ATP6V0D1: variants seen among roughly 807,000 people sequenced by gnomAD.
The protein encoded by ATP6V0D1 is ATPase H+ transporting V0 subunit d1, also known as V-type proton ATPase subunit d 1.
Under a neutral mutation model 39.0 loss-of-function variants are expected in ATP6V0D1, and 13 were observed. The observed-to-expected ratio is 0.33, with a 90% CI of 0.22 to 0.53. The LOEUF (loss-of-function observed/expected upper bound fraction) is 0.53, where lower values mean the gene tolerates loss of function less well. ATP6V0D1 is among the 20% of genes least tolerant of loss of function. The pLI, the probability that ATP6V0D1 is intolerant of heterozygous loss-of-function variation, is 0.94. For missense variants in ATP6V0D1, 272 were observed against 470.9 expected, an observed-to-expected ratio of 0.58 and a Z score of 3.91; for synonymous variants, 191 against 191.2, an observed-to-expected ratio of 1.00 and a Z score of 0.01.
Position 67,456,331 on chromosome 16 carries a change from TGA to T in ATP6V0D1, c.131-2618_131-2617del, listed in dbSNP as rs767594597. The stretch of plus-strand genomic sequence containing the variant: ...GAAACATGGTTTATTTGTACAAAAC[TGA>T]GAGATTGTTAATGCCCCTGATGTGG... On this transcript the variant is annotated intron_variant, in intron 1 of 7. Coordinates refer to ENST00000290949, the MANE Select transcript of ATP6V0D1 (RefSeq NM_004691.5). The surrounding 1 kb of genome is among the most constrained non-coding windows in gnomAD (Gnocchi z 4.1). 4 of 152,180 alleles carry T rather than the reference TGA, an allele frequency of 2.6e-5. No homozygotes were observed. Among genetic ancestry groups the T allele is most frequent in the Middle Eastern group, 3.2e-3 (1 of 316 alleles). 9.4% of individuals were successfully genotyped at this position (152,180 alleles called of 1,614,324 possible).
intron 1 of ATP6V0D1, among the ~76,000 whole-genome samples, chr16:67,475,509 T>C (rs1183725132): frequency 2.0e-5 from 3 of 152,222 alleles, no homozygotes; most frequent in African/African-American, 4.8e-5. Flanking sequence ...TCTAACTCTC[T>C]GGCTGAGAAG....
chr16:67,464,296 G>C (rs975911621), intron 1 of ATP6V0D1, among the ~76,000 whole-genome samples: 1 of 152,210 alleles, frequency 6.6e-6, no homozygotes, highest in Non-Finnish European at 1.5e-5. Flanking sequence ...GCATCCTTGA[G>C]TGAACAAATG....
intron 1 of ATP6V0D1, chr16:67,455,979 T>C (rs1049014536): frequency 6.6e-6 from 1 of 151,978 alleles, no homozygotes; most frequent in Admixed American, 6.6e-5. Context: ...TCCTTGAGCT[T>C]GGGCAAGTAT....
chr16:67,454,132 C>T (rs1243446046), intron 1 of ATP6V0D1, among the ~76,000 whole-genome samples: 5 of 152,186 alleles, frequency 3.3e-5, no homozygotes, highest in African/African-American at 1.2e-4. Flanking sequence ...CAAGCCAACA[C>T]ACCCCGAGGC....
chr16:67,480,778 C>A (rs113969730), intron 1 of ATP6V0D1, among the ~76,000 whole-genome samples, 179 bp downstream of exon 1: 37 of 152,320 alleles, frequency 2.4e-4, no homozygotes, highest in Admixed American at 3.9e-4. Flanking sequence ...TGAGTTTGGG[C>A]CCGCGCCGAG....
chr16:67,453,791 C>A lies in ATP6V0D1; in HGVS notation c.131-76G>T. 7.0e-7 allele frequency: 1 copy of A among 1,434,704 alleles called. No homozygotes were observed. Among genetic ancestry groups the A allele is most frequent in the Non-Finnish European group, 9.6e-7 (1 of 1,040,300 alleles). The allele number at this position is 1,434,704 out of a possible 1,614,324, so 88.9% of individuals were successfully genotyped here. ...GGGTCCCAAGTCCCCATCCCCACCC[C>A]AACTCAGCCCCAGCTCTCCCCTGCA... On this transcript the variant is annotated intron_variant, in intron 1 of 7. Transcript: ENST00000290949. The surrounding 1 kb of genome is among the most constrained non-coding windows in gnomAD (Gnocchi z 4.1).
At chr16:67,474,266 C>G (rs1020013172) in intron 1 of ATP6V0D1, among the ~76,000 whole-genome samples, 3 of 152,222 alleles carry the variant, frequency 2.0e-5, no homozygotes, top group African/African-American at 7.2e-5. Context: ...ACTTCACAAA[C>G]ATCTCAGAGA....
chr16:67,441,506 CT>C (rs2041051204), intron 4 of ATP6V0D1: 1 of 152,320 alleles, frequency 6.6e-6, no homozygotes, highest in Non-Finnish European at 1.5e-5. Context: ...ACCCCTCACC[CT>C]GTCTCAGGGC....
chr16:67,439,296 TCAGCCGTAGTCCCGCC>T lies in ATP6V0D1; in HGVS notation c.601_616del (p.Gly201MetfsTer94), dbSNP rs2041018414. The T allele has an allele frequency of 6.2e-7, 1 of 1,613,978 alleles. No individual in the cohort carries two copies. Among genetic ancestry groups the T allele is most frequent in the Admixed American group, 1.7e-5 (1 of 60,008 alleles). On this transcript the variant is annotated frameshift_variant, in exon 5 of 8. Transcript: ENST00000290949. LOFTEE classifies it high-confidence loss of function. ...CACCTCCAGGATGGGGCACATGGCA[TCAGCCGTAGTCCCGCC>T]CAGTAGGGTGCAGAACTTGTAGAAG... is the stretch of plus-strand genomic sequence containing the variant.
chr16:67,443,205 T>C (rs766821759), intron 3 of ATP6V0D1, 27 bp from the exon 4 acceptor site: 2 of 1,611,570 alleles, frequency 1.2e-6, no homozygotes, highest in Non-Finnish European at 1.7e-6. Context: ...GTTTGAGGGG[T>C]GGGCAGGTGG....
intron 1 of ATP6V0D1, among the ~76,000 whole-genome samples, chr16:67,477,168 T>C (rs1383582050): frequency 6.6e-6 from 1 of 151,006 alleles, no homozygotes; most frequent in Non-Finnish European, 1.5e-5. Context: ...GAGGAACAAG[T>C]TCAACTATAT....
chr16:67,454,552 GTTTTTT>G (rs2041217583), intron 1 of ATP6V0D1: 2 of 151,456 alleles, frequency 1.3e-5, no homozygotes, highest in Non-Finnish European at 2.9e-5. Context: ...TTTTGTTTTT[GTTTTTT>G]GTTTGTTTGT....
At position 67,447,629 on chromosome 16, in the gene ATP6V0D1, T is replaced by A. The variant is rs994463661; in HGVS notation, c.303-2923A>T. On this transcript the variant is annotated intron_variant, in intron 2 of 7. Coordinates refer to ENST00000290949, the MANE Select transcript of ATP6V0D1 (RefSeq NM_004691.5). The surrounding 1 kb of genome is among the most constrained non-coding windows in gnomAD (Gnocchi z 4.1). ...CCCTTGTGGGGTGGGGGTGGGGCCGTCTGTATTCCTCTGCCCAGAGGCCCT... is the reference window on the plus strand; with the variant it reads ...CCCTTGTGGGGTGGGGGTGGGGCCGACTGTATTCCTCTGCCCAGAGGCCCT... 6.6e-6 allele frequency among the ~76,000 whole-genome samples: 1 copy of A among 152,154 alleles called. No homozygotes were observed. Among genetic ancestry groups the A allele is most frequent in the East Asian group, 1.9e-4 (1 of 5,196 alleles).
chr16:67,474,557 C>T (rs2041399919), intron 1 of ATP6V0D1, among the ~76,000 whole-genome samples: 1 of 152,198 alleles, frequency 6.6e-6, no homozygotes, highest in Non-Finnish European at 1.5e-5. Flanking sequence ...TCAGGCTCTC[C>T]TTTGGAGCTA....
chr16:67,438,918 G>A (rs72650137), intron 6 of ATP6V0D1, 48 bp from the exon 7 acceptor site: 4 of 1,613,358 alleles, frequency 2.5e-6, no homozygotes, highest in Admixed American at 3.3e-5. Context: ...TTCTGGGTGG[G>A]GGTGCTTGGT....
At chr16:67,466,248 A>G (rs1439408485) in intron 1 of ATP6V0D1, among the ~76,000 whole-genome samples, 1 of 151,696 alleles carries the variant, frequency 6.6e-6, no homozygotes, top group Admixed American at 6.6e-5. Context: ...TGGGAGGCCA[A>G]GATGGGCAGA....
In ATP6V0D1 at chr16:67,464,613, A is replaced by G. The variant is rs1430787051; in HGVS notation, c.131-10898T>C. Among the ~76,000 whole-genome samples the G allele has an allele frequency of 2.0e-5, 3 of 152,220 alleles. No homozygotes were observed. In the East Asian group the frequency reaches 5.8e-4, roughly 29 times the overall value. On this transcript the variant is annotated intron_variant, in intron 1 of 7. Transcript: ENST00000290949. Reference sequence around the variant, plus strand: ...CCTCAGAAGAACTGATGACAGCTGCAGGGGAGACCCTGGGGCTGTGGAGCC... The same window carrying G: ...CCTCAGAAGAACTGATGACAGCTGCGGGGGAGACCCTGGGGCTGTGGAGCC...
At chr16:67,439,461 G>A (rs2041021299) in intron 4 of ATP6V0D1, 110 bp from the exon 5 acceptor site, 3 of 1,024,220 alleles carry the variant, frequency 2.9e-6, no homozygotes, top group Non-Finnish European at 3.0e-6. Context: ...TTCAAGGTGG[G>A]TACAAGCACA....
intron 1 of ATP6V0D1, among the ~76,000 whole-genome samples, chr16:67,471,698 GTCTC>G (rs2041374690): frequency 6.6e-6 from 1 of 151,680 alleles, no homozygotes; most frequent in African/African-American, 2.4e-5. Flanking sequence ...TTGAGACGGG[GTCTC>G]TCTCTGTTGC....
Sources: allele counts gnomAD v4.1 joint callset (sites outside exome capture counted in the v4.1 genomes callset), GRCh38; gene constraint gnomAD v4.1.1; non-coding constraint Gnocchi (gnomAD v3.1); transcripts MANE v1.5; gene names NCBI Gene and HGNC (gene_info 2026-07-23, HGNC 2026-07-21).